The following AAK1 variants were observed in gnomAD, a reference collection of about 807,000 sequenced individuals.
AAK1 encodes AP2 associated kinase 1.
AAK1 carries 37 observed loss-of-function variants against 116.0 expected under a neutral mutation model. The ratio of observed to expected loss-of-function variants is 0.32; its 90% CI spans 0.25 to 0.42. The LOEUF (loss-of-function observed/expected upper bound fraction) is 0.42. AAK1 is among the 10% of genes least tolerant of loss of function. The pLI is 1.00. For missense variants in AAK1, 919 were observed against 1,170.6 expected (o/e 0.79, Z 3.14); for synonymous variants, 458 against 439.9 (o/e 1.04, Z -0.51).
chr2:69,527,263 A>T lies in AAK1; in HGVS notation c.928T>A (p.Phe310Ile). Reference protein sequence around the residue: ...KRPDIYQVSYFSFKLLKKECP... With the variant: ...KRPDIYQVSYISFKLLKKECP... Reference sequence around the variant, plus strand: ...TCTTTCTTGAGTAGCTTAAATGAGAAGTAGGACACCTGGTAAATATCCGGC... The same window carrying T: ...TCTTTCTTGAGTAGCTTAAATGAGATGTAGGACACCTGGTAAATATCCGGC... The change falls in exon 9 of 22, where the codon TTC (phenylalanine) becomes ATC (isoleucine). Residue 310 changes from phenylalanine (F) to isoleucine (I), a missense_variant. Physicochemically the swap from Phe to Ile is conservative, Grantham distance 21. Coordinates refer to ENST00000409085, the MANE Select transcript of AAK1 (RefSeq NM_014911.5). 4 of 1,610,484 alleles carry T rather than the reference A, an allele frequency of 2.5e-6. No individual in the cohort carries two copies. Among genetic ancestry groups the T allele is most frequent in the Non-Finnish European group, 3.4e-6 (4 of 1,178,206 alleles).
At chr2:69,520,354 T>C (rs1228034903) in intron 11 of AAK1, among the ~76,000 whole-genome samples, 1 of 146,194 alleles carries the variant, frequency 6.8e-6, no homozygotes. Context: ...GATACAATTC[T>C]TTTCTTTTTT....
chr2:69,564,420 A>T (rs924520915), intron 2 of AAK1, among the ~76,000 whole-genome samples: 9 of 152,012 alleles, frequency 5.9e-5, no homozygotes, highest in Admixed American at 3.3e-4. Flanking sequence ...AAGGCTAGAA[A>T]AAAAAAAAGG....
In AAK1 at chr2:69,637,799, A is replaced by G. The variant is rs186240633; in HGVS notation, c.163+5079T>C. 1.8e-3 allele frequency among the ~76,000 whole-genome samples: 280 copies of G among 152,104 alleles called. 1 individual carries two copies. The highest frequency in any genetic ancestry group is 3.3e-3 in the Non-Finnish European group (224 of 67,988). On this transcript the variant is annotated intron_variant, in intron 2 of 21. Transcript: ENST00000409085. ...TGTGTGTTTTGTTAATATTTATCAA[A>G]CCTTTCTTGTGTACTCTACATGGCG... is the stretch of plus-strand genomic sequence containing the variant.
chr2:69,467,998 T>C lies in AAK1; in HGVS notation c.*7871A>G. The stretch of plus-strand genomic sequence containing the variant: ...AGAACAAAAATGTGTTTGTCCTCCA[T>C]TTTTATTTTCCTTTCTAACAGTTTG... On this transcript the variant is annotated 3_prime_UTR_variant, in exon 22 of 22. Transcript: ENST00000409085. 5 of 985,466 alleles carry C rather than the reference T, an allele frequency of 5.1e-6. No homozygotes were observed. The highest frequency in any genetic ancestry group is 6.0e-6 in the Non-Finnish European group (5 of 829,924). 61.0% of individuals were successfully genotyped at this position (985,466 alleles called of 1,614,324 possible). A position where few individuals can be genotyped will look rare whatever the true frequency, so the allele number is the denominator to read the frequency against.
At chr2:69,568,894 G>A (rs55991786) in intron 2 of AAK1, among the ~76,000 whole-genome samples, 6,404 of 152,100 alleles carry the variant, frequency 0.042, 415 homozygotes, top group African/African-American at 0.14. Context: ...CTAGGTCGTG[G>A]TCCTTCAATC....
At chr2:69,556,772 A>G (rs769416626) in intron 3 of AAK1, 88 bp downstream of exon 3, 21 of 982,446 alleles carry the variant, frequency 2.1e-5, no homozygotes, top group Middle Eastern at 2.1e-4. Flanking sequence ...ATCTCAGGGA[A>G]GGGAACAAAC....
chr2:69,602,413 A>C (rs891436704), intron 2 of AAK1, among the ~76,000 whole-genome samples: 1 of 152,088 alleles, frequency 6.6e-6, no homozygotes, highest in African/African-American at 2.4e-5. Context: ...TAAAATGTTT[A>C]TATTATATAC....
rs938570758 is a variant in AAK1, at chr2:69,465,400, G to C, written c.*10469C>G. ...GGTATTGAGGGTGGGATAGAGACAA[G>C]AGGCTTGAGGCTCAGGTTTTGCTCC... On this transcript the variant is annotated 3_prime_UTR_variant, in exon 22 of 22. Transcript: ENST00000409085. 7.9e-7 allele frequency: 1 copy of C among 1,262,964 alleles called. No homozygotes were observed. Among genetic ancestry groups the C allele is most frequent in the Non-Finnish European group, 1.0e-6 (1 of 973,442 alleles). 78.2% of individuals were successfully genotyped at this position (1,262,964 alleles called of 1,614,324 possible).
At chr2:69,478,833 A>G (rs1373620390) in intron 20 of AAK1, 118 bp downstream of exon 20, 1 of 757,334 alleles carries the variant, frequency 1.3e-6, no homozygotes, top group Non-Finnish European at 2.3e-6. Flanking sequence ...TTTTCCATAC[A>G]AGGAGGTAGT....
chr2:69,515,371 G>A (rs557841135), intron 12 of AAK1, among the ~76,000 whole-genome samples: 41 of 152,026 alleles, frequency 2.7e-4, no homozygotes, highest in Admixed American at 2.7e-3. Flanking sequence ...GCCCAGGCTG[G>A]GATGTAGTGG....
At chr2:69,520,161 T>C in intron 11 of AAK1, 1 of 224,418 alleles carries the variant, frequency 4.5e-6, no homozygotes, top group Non-Finnish European at 9.6e-6. Flanking sequence ...TGGACTGAAC[T>C]CAACACTTTG....
chr2:69,598,876 T>G (rs555757086), intron 2 of AAK1: 1 of 285,836 alleles, frequency 3.5e-6, no homozygotes, highest in South Asian at 3.6e-5. Context: ...GATGTGTGAT[T>G]GCAGCCCATG....
At chr2:69,620,714 C>T (rs968267776) in intron 2 of AAK1, among the ~76,000 whole-genome samples, 1 of 152,162 alleles carries the variant, frequency 6.6e-6, no homozygotes, top group Non-Finnish European at 1.5e-5. Context: ...CTCCTCCCAC[C>T]TCGCTGGACA....
Position 69,542,514 on chromosome 2 carries a change from G to C in AAK1, c.534+9C>G, listed in dbSNP as rs961185380. The C allele has an allele frequency of 1.2e-6, 2 of 1,613,642 alleles. No individual in the cohort carries two copies. Among genetic ancestry groups the C allele is most frequent in the Admixed American group, 1.7e-5 (1 of 59,980 alleles). On this transcript the variant is annotated intron_variant, in intron 5 of 21. Coordinates refer to ENST00000409085, the MANE Select transcript of AAK1 (RefSeq NM_014911.5). Reference sequence around the variant, plus strand: ...TAGAATGCCCGTAATGAAAGAGTGTGGTCTGTACCTTCAGGTCCCGGTGGA... The same window carrying C: ...TAGAATGCCCGTAATGAAAGAGTGTCGTCTGTACCTTCAGGTCCCGGTGGA...
chr2:69,636,406 T>C (rs180814645), intron 2 of AAK1, among the ~76,000 whole-genome samples: 1 of 152,364 alleles, frequency 6.6e-6, no homozygotes, highest in African/African-American at 2.4e-5. Context: ...AACTTCATCC[T>C]AAGTATATAA....
chr2:69,461,653 G>A lies in AAK1; in HGVS notation c.*14216C>T, dbSNP rs1184195532. On this transcript the variant is annotated 3_prime_UTR_variant, in exon 22 of 22. Transcript: ENST00000409085. ...CTTCTCGCCCAGGCTGGAGTGCAAT[G>A]ACACAATCTTGGCTCACTGCAAAGT... 1 of 430,068 alleles carries A rather than the reference G, an allele frequency of 2.3e-6. No individual in the cohort carries two copies. Among genetic ancestry groups the A allele is most frequent in the Non-Finnish European group, 4.6e-6 (1 of 218,306 alleles). 26.6% of individuals were successfully genotyped at this position (430,068 alleles called of 1,614,324 possible). A position where few individuals can be genotyped will look rare whatever the true frequency, so the allele number is the denominator to read the frequency against.
Position 69,642,948 on chromosome 2 carries a change from G to A in AAK1, c.93C>T (p.Gly31=), listed in dbSNP as rs778771626. 15 of 1,613,778 alleles carry A rather than the reference G, an allele frequency of 9.3e-6. No individual in the cohort carries two copies. Among genetic ancestry groups the A allele is most frequent in the South Asian group, 2.2e-5 (2 of 91,060 alleles). Residue 31 remains glycine (G), a synonymous_variant, in exon 2 of 22, where the codon GGC becomes GGT. Transcript: ENST00000409085. The part of the protein sequence containing the change: ...SGGGGSTSGL[G]SGYIGRVFGI... ...CGAAGACTCTTCCGATGTAGCCACT[G>A]CCCAGGCCCGAGGTGCTGCCCCCTC...
chr2:69,636,901 T>C (rs1423851524), intron 2 of AAK1, among the ~76,000 whole-genome samples: 2 of 152,130 alleles, frequency 1.3e-5, no homozygotes, highest in Non-Finnish European at 2.9e-5. Flanking sequence ...GGTTTCACCA[T>C]GTTGGCCAGG....
chr2:69,485,840 G>A (rs1029795683), intron 17 of AAK1, among the ~76,000 whole-genome samples: 3 of 151,940 alleles, frequency 2.0e-5, no homozygotes, highest in African/African-American at 7.2e-5. Context: ...TGTATTTTTA[G>A]CAGAGATGGG....
Sources: gnomAD v4.1 joint callset for allele counts (sites outside exome capture counted in the v4.1 genomes callset) on GRCh38, gnomAD v4.1.1 for gene constraint, MANE v1.5 for transcripts, NCBI Gene and HGNC (gene_info 2026-07-23, HGNC 2026-07-21) for gene names.